CAST: variants seen among roughly 807,000 people sequenced by gnomAD.
CAST encodes MIR583 host.
Under a neutral mutation model 119.6 loss-of-function variants are expected in CAST, and 76 were observed. The ratio of observed to expected loss-of-function variants is 0.64; its 90% CI spans 0.53 to 0.77. The LOEUF (loss-of-function observed/expected upper bound fraction) is 0.77, where lower values mean the gene tolerates loss of function less well. CAST is among the 30% of genes least tolerant of loss of function. The pLI is 0.00. For missense variants in CAST, 953 were observed against 946.5 expected (o/e 1.01, Z -0.09); for synonymous variants, 319 against 331.6 (o/e 0.96, Z 0.41).
At chr5:96,045,078 C>A in the CAST span, among the ~76,000 whole-genome samples, 1 of 151,968 alleles carries the variant, frequency 6.6e-6, no homozygotes, top group Non-Finnish European at 1.5e-5. Flanking sequence ...GCTGGCCGGG[C>A]GCAGTGGCTC....
At chr5:96,494,085 C>T in the CAST span, among the ~76,000 whole-genome samples, 1 of 152,162 alleles carries the variant, frequency 6.6e-6, no homozygotes, top group African/African-American at 2.4e-5. Context: ...TCTAATCCCT[C>T]ATTGAATGGA....
At chr5:96,340,145 G>A in the CAST span, among the ~76,000 whole-genome samples, 1 of 152,178 alleles carries the variant, frequency 6.6e-6, no homozygotes, top group Non-Finnish European at 1.5e-5. Flanking sequence ...TTACCTCAAG[G>A]TTATATTTTG....
At chr5:96,185,993 T>C in the CAST span, among the ~76,000 whole-genome samples, 1,408 of 152,296 alleles carry the variant, frequency 9.2e-3, 14 homozygotes, top group African/African-American at 0.032. Flanking sequence ...CATGAAATGT[T>C]TCTTCATTTG....
the CAST span, among the ~76,000 whole-genome samples, chr5:96,143,299 T>C: frequency 8.5e-5 from 13 of 152,350 alleles, no homozygotes; most frequent in Non-Finnish European, 1.6e-4. Context: ...ACCTGTGAAA[T>C]GGACTTGCTG....
At chr5:96,434,634 G>GTTT in the CAST span, among the ~76,000 whole-genome samples, 20 of 149,228 alleles carry the variant, frequency 1.3e-4, no homozygotes, top group African/African-American at 2.0e-4. Context: ...TGTTGTTGTT[G>GTTT]TTTTTTAAAG....
At chr5:96,151,915 C>T in the CAST span, among the ~76,000 whole-genome samples, 5 of 152,136 alleles carry the variant, frequency 3.3e-5, no homozygotes, top group African/African-American at 9.7e-5. Context: ...TTCTAAGCTC[C>T]CAGTAACCCC....
the CAST span, among the ~76,000 whole-genome samples, chr5:95,977,334 G>T: frequency 6.6e-6 from 1 of 152,236 alleles, no homozygotes; most frequent in African/African-American, 2.4e-5. Context: ...AAGCCATTTT[G>T]TAAGGTCTCT....
At chr5:96,700,378 G>T (rs1753735955) in intron 3 of CAST, among the ~76,000 whole-genome samples, 2 of 152,134 alleles carry the variant, frequency 1.3e-5, no homozygotes, top group Admixed American at 6.5e-5. Flanking sequence ...TCTATGGCAG[G>T]TTAAAAAATA....
At chr5:96,333,390 G>A in the CAST span, among the ~76,000 whole-genome samples, 2 of 152,218 alleles carry the variant, frequency 1.3e-5, no homozygotes, top group Admixed American at 6.5e-5. Context: ...TGACTTAGAC[G>A]CCCTAGGTGG....
the CAST span, among the ~76,000 whole-genome samples, chr5:96,337,954 A>G: frequency 2.0e-5 from 3 of 152,184 alleles, no homozygotes; most frequent in South Asian, 4.1e-4. Context: ...ATGTTTCTAT[A>G]GCTAAGGAAA....
chr5:96,273,951 C>T, the CAST span, among the ~76,000 whole-genome samples: 2 of 152,090 alleles, frequency 1.3e-5, no homozygotes, highest in Non-Finnish European at 2.9e-5. Flanking sequence ...TTGGAGTTGC[C>T]TTTTAAAAAT....
intron 1 of CAST, among the ~76,000 whole-genome samples, chr5:96,580,038 A>G (rs754666045): frequency 3.3e-5 from 5 of 152,244 alleles, no homozygotes; most frequent in Admixed American, 6.5e-5. Context: ...GTACTTCCAC[A>G]TACATAGATA....
chr5:96,631,454 T>G (rs895841303), intron 1 of CAST, among the ~76,000 whole-genome samples: 1 of 141,390 alleles, frequency 7.1e-6, no homozygotes, highest in African/African-American at 2.5e-5. Flanking sequence ...TTTTTATGAT[T>G]AAATAACATC....
the CAST span, among the ~76,000 whole-genome samples, chr5:96,401,646 G>A: frequency 6.6e-6 from 1 of 152,062 alleles, no homozygotes; most frequent in Admixed American, 6.5e-5. Flanking sequence ...CTCCCACATG[G>A]TCCCGAGCTC....
intron 1 of CAST, among the ~76,000 whole-genome samples, chr5:96,607,319 G>T (rs1370302021): frequency 6.6e-6 from 1 of 152,072 alleles, no homozygotes; most frequent in East Asian, 1.9e-4. Context: ...ACTGTATTAA[G>T]GTATTATAGT....
At chr5:96,610,317 C>G (rs1484904247) in intron 1 of CAST, among the ~76,000 whole-genome samples, 1 of 152,138 alleles carries the variant, frequency 6.6e-6, no homozygotes, top group Non-Finnish European at 1.5e-5. Flanking sequence ...TTGTAAAGTA[C>G]CCCGTCTCAG....
the CAST span, among the ~76,000 whole-genome samples, chr5:96,377,188 TA>T: frequency 2.0e-5 from 3 of 151,904 alleles, no homozygotes; most frequent in Non-Finnish European, 2.9e-5. Flanking sequence ...TTTAATTTTT[TA>T]AAAAATTAAA....
chr5:96,657,298 C>T (rs1240491373), upstream of CAST, among the ~76,000 whole-genome samples: 1 of 152,086 alleles, frequency 6.6e-6, no homozygotes, highest in Non-Finnish European at 1.5e-5. Flanking sequence ...ACTGTGGTTT[C>T]TTTTTTGCTA....
At chr5:96,112,359 A>G in the CAST span, among the ~76,000 whole-genome samples, 1 of 152,264 alleles carries the variant, frequency 6.6e-6, no homozygotes, top group African/African-American at 2.4e-5. Flanking sequence ...GTGAAAGTAA[A>G]CATCAAATCA....
Sources: gnomAD v4.1 joint callset for allele counts (sites outside exome capture counted in the v4.1 genomes callset) on GRCh38, gnomAD v4.1.1 for gene constraint, MANE v1.5 for transcripts, NCBI Gene and HGNC (gene_info 2026-07-23, HGNC 2026-07-21) for gene names.